Variants in STK32B observed in about 807,000 individuals in gnomAD.
STK32B encodes the protein serine/threonine-protein kinase 32B.
STK32B carries 43 observed loss-of-function variants against 52.6 expected under a neutral mutation model. The ratio of observed to expected loss-of-function variants is 0.82; its 90% CI spans 0.64 to 1.05. STK32B has a LOEUF of 1.05. STK32B is among the 50% of genes least tolerant of loss of function. The pLI, the probability that STK32B is intolerant of heterozygous loss-of-function variation, is 0.00. For missense variants in STK32B, 621 were observed against 534.6 expected (o/e 1.16, Z -1.59); for synonymous variants, 238 against 204.3 (o/e 1.17, Z -1.41).
chr4:5,248,277 A>G (rs575150778), intron 3 of STK32B, among the ~76,000 whole-genome samples: 122 of 152,336 alleles, frequency 8.0e-4, no homozygotes, highest in Middle Eastern at 3.4e-3. Context: ...GTTATTTTCT[A>G]TAGTAACAAA....
intron 4 of STK32B, among the ~76,000 whole-genome samples, chr4:5,375,185 G>A (rs1461826667): frequency 6.6e-6 from 1 of 152,044 alleles, no homozygotes; most frequent in South Asian, 2.1e-4. Flanking sequence ...CCCAACTGCT[G>A]TCCAGCCTCG....
At chr4:5,226,012 C>T (rs1723848297) in intron 3 of STK32B, among the ~76,000 whole-genome samples, 1 of 152,160 alleles carries the variant, frequency 6.6e-6, no homozygotes, top group Admixed American at 6.5e-5. Context: ...TGATAAAACC[C>T]AGGCATGTGC....
intron 5 of STK32B, among the ~76,000 whole-genome samples, chr4:5,414,973 A>G (rs1387353543): frequency 6.6e-6 from 1 of 152,216 alleles, no homozygotes; most frequent in Non-Finnish European, 1.5e-5. Context: ...CAATGCTGAC[A>G]TGTGTCACTC....
intron 5 of STK32B, among the ~76,000 whole-genome samples, chr4:5,415,744 T>C (rs1313320170): frequency 1.3e-5 from 2 of 152,062 alleles, no homozygotes; most frequent in African/African-American, 4.8e-5. Flanking sequence ...GTGCTGGCAG[T>C]TGAGTCTGAG....
At chr4:5,071,243 A>G (rs1374228376) in intron 1 of STK32B, among the ~76,000 whole-genome samples, 1 of 152,160 alleles carries the variant, frequency 6.6e-6, no homozygotes, top group Non-Finnish European at 1.5e-5. Flanking sequence ...CCAGGAAAAC[A>G]TGTTACTCCA....
intron 3 of STK32B, among the ~76,000 whole-genome samples, chr4:5,326,561 T>C (rs1427425205): frequency 1.3e-5 from 2 of 152,208 alleles, no homozygotes; most frequent in Admixed American, 1.3e-4. Context: ...TTTCGTTTTC[T>C]AGTGCCTTTA....
In STK32B at chr4:5,188,188, C is replaced by T. The variant is rs192417540; in HGVS notation, c.260+19738C>T. Reference sequence around the variant, plus strand: ...TATAAATTTGCTGGAGAGTTCATCACGTGCATGAAATTGCTAGTGGGAGGT... The same window carrying T: ...TATAAATTTGCTGGAGAGTTCATCATGTGCATGAAATTGCTAGTGGGAGGT... On this transcript the variant is annotated intron_variant, in intron 3 of 11. Coordinates refer to ENST00000282908, the MANE Select transcript of STK32B (RefSeq NM_018401.3). Among the ~76,000 whole-genome samples the T allele has an allele frequency of 8.5e-5, 13 of 152,306 alleles. No homozygotes were observed. In the South Asian group the frequency reaches 1.0e-3, roughly 12 times the overall value.
In STK32B at chr4:5,499,116, C is replaced by T. The variant is rs1190653006; in HGVS notation, c.*33C>T. On this transcript the variant is annotated 3_prime_UTR_variant, in exon 12 of 12. Transcript: ENST00000282908. ...CTTGTTGCTGCTCAACAGGACTGCA[C>T]TCGTCTCTGCCCTGCCCACCCAGAG... The T allele has an allele frequency of 9.5e-6, 15 of 1,582,990 alleles. No individual in the cohort carries two copies. The highest frequency in any genetic ancestry group is 1.3e-5 in the Non-Finnish European group (15 of 1,161,758).
In STK32B at chr4:5,396,215, G is replaced by A. The variant is rs1736909525; in HGVS notation, c.435-1992G>A. Reference sequence around the variant, plus strand: ...CTGTGCTTCCTCTGGAGGTTCAGGAGAGAATCCGCCCCTGGCCTGTTCCAG... The same window carrying A: ...CTGTGCTTCCTCTGGAGGTTCAGGAAAGAATCCGCCCCTGGCCTGTTCCAG... On this transcript the variant is annotated intron_variant, in intron 4 of 11. Transcript: ENST00000282908. This position sits in a 1 kb window ranked among gnomAD's most constrained non-coding sequence, Gnocchi z 4.7. 6.6e-6 allele frequency among the ~76,000 whole-genome samples: 1 copy of A among 152,218 alleles called. No individual in the cohort carries two copies. Among genetic ancestry groups the A allele is most frequent in the South Asian group, 2.1e-4 (1 of 4,826 alleles).
chr4:5,336,411 A>C (rs1170577131), intron 4 of STK32B, among the ~76,000 whole-genome samples: 2 of 152,106 alleles, frequency 1.3e-5, no homozygotes, highest in Non-Finnish European at 2.9e-5. Flanking sequence ...GAAATCTTCT[A>C]ACTTGAACAT....
chr4:5,108,387 AG>A (rs1279433715), intron 1 of STK32B, among the ~76,000 whole-genome samples: 6 of 152,186 alleles, frequency 3.9e-5, no homozygotes, highest in African/African-American at 1.4e-4. Flanking sequence ...GGGAATTGCC[AG>A]GTCACGTGTA....
chr4:5,480,144 G>A (rs908584215), intron 11 of STK32B, among the ~76,000 whole-genome samples: 5 of 152,134 alleles, frequency 3.3e-5, no homozygotes, highest in Admixed American at 6.5e-5. Context: ...TTATCAGACC[G>A]ATATAGTGCC....
At chr4:5,191,702 G>A (rs146647546) in intron 3 of STK32B, among the ~76,000 whole-genome samples, 16 of 152,264 alleles carry the variant, frequency 1.1e-4, no homozygotes, top group Non-Finnish European at 1.6e-4. Flanking sequence ...AGCCTGCTTC[G>A]TCGGCTGAGA....
intron 1 of STK32B, among the ~76,000 whole-genome samples, chr4:5,116,522 T>C (rs1714726513): frequency 6.6e-6 from 1 of 152,202 alleles, no homozygotes; most frequent in Non-Finnish European, 1.5e-5. Flanking sequence ...TAATATCTAC[T>C]CTTATTTTGA....
intron 3 of STK32B, among the ~76,000 whole-genome samples, chr4:5,285,711 C>T (rs773777437): frequency 2.7e-4 from 41 of 152,140 alleles, no homozygotes; most frequent in Non-Finnish European, 5.3e-4. Flanking sequence ...TAACTCACCT[C>T]CCTTATTAGT....
chr4:5,446,529 C>T (rs1281576486), intron 6 of STK32B, 144 bp from the exon 7 acceptor site: 3 of 652,484 alleles, frequency 4.6e-6, no homozygotes, highest in Non-Finnish European at 5.2e-6. Flanking sequence ...TATGTGCCAG[C>T]CTGGGCAGCA....
intron 9 of STK32B, among the ~76,000 whole-genome samples, chr4:5,461,287 G>A (rs1034748): frequency 0.29 from 44,653 of 152,022 alleles, 7,621 homozygotes; most frequent in East Asian, 0.81. Context: ...TTCCAGCCCC[G>A]TATTATGTGA....
chr4:5,333,323 G>T (rs1208265270), intron 4 of STK32B, among the ~76,000 whole-genome samples: 2 of 152,020 alleles, frequency 1.3e-5, no homozygotes, highest in Non-Finnish European at 2.9e-5. Context: ...CTTTTTGATG[G>T]GGTTGTTTTT....
chr4:5,115,284 G>A (rs1354167891), intron 1 of STK32B, among the ~76,000 whole-genome samples: 2 of 152,096 alleles, frequency 1.3e-5, no homozygotes, highest in Non-Finnish European at 2.9e-5. Flanking sequence ...CATTGGATTA[G>A]GCCCAAGCCC....
Sources: allele counts gnomAD v4.1 joint callset (sites outside exome capture counted in the v4.1 genomes callset), GRCh38; gene constraint gnomAD v4.1.1; non-coding constraint Gnocchi (gnomAD v3.1); transcripts MANE v1.5; gene names NCBI Gene and HGNC (gene_info 2026-07-23, HGNC 2026-07-21).